The following DMGDH variants were observed in gnomAD, a reference collection of about 807,000 sequenced individuals.
DMGDH encodes the protein dimethylglycine dehydrogenase, also known as dimethylglycine dehydrogenase, mitochondrial.
In DMGDH, 76 loss-of-function variants were observed where a neutral mutation model predicts 95.2. The ratio of observed to expected loss-of-function variants is 0.80; its 90% CI spans 0.66 to 0.97. The LOEUF (loss-of-function observed/expected upper bound fraction) is 0.97. Among genes scored for constraint, DMGDH ranks in the 50% least tolerant of loss-of-function variants. DMGDH has a pLI of 0.00. For missense variants in DMGDH, 987 were observed against 1,055.0 expected, an observed-to-expected ratio of 0.94 and a Z score of 0.89; for synonymous variants, 345 against 377.6, an observed-to-expected ratio of 0.91 and a Z score of 1.00.
chr5:79,040,894 A>T (rs1253537172), intron 7 of DMGDH, among the ~76,000 whole-genome samples: 2 of 150,140 alleles, frequency 1.3e-5, no homozygotes, highest in Non-Finnish European at 3.0e-5. Context: ...TCTATAGGTG[A>T]CTATAAAACC....
At chr5:79,025,951 G>T (rs967264806) in intron 13 of DMGDH, among the ~76,000 whole-genome samples, 3 of 152,184 alleles carry the variant, frequency 2.0e-5, no homozygotes, top group Admixed American at 2.0e-4. Context: ...TATGTAAATG[G>T]TTAAAGCACT....
chr5:79,060,578 C>T (rs1214113616), intron 2 of DMGDH, among the ~76,000 whole-genome samples: 1 of 151,996 alleles, frequency 6.6e-6, no homozygotes, highest in Non-Finnish European at 1.5e-5. Flanking sequence ...GCTGGCTCTG[C>T]AACCTTCCTT....
At chr5:79,000,464 CAA>C in intron 15 of DMGDH, 1 of 615,988 alleles carries the variant, frequency 1.6e-6, no homozygotes, top group Admixed American at 1.8e-5. Flanking sequence ...ACTACTGGAT[CAA>C]AGTCTGCCTG....
intron 5 of DMGDH, among the ~76,000 whole-genome samples, chr5:79,048,854 G>A (rs1325226547): frequency 1.3e-5 from 2 of 151,358 alleles, no homozygotes; most frequent in South Asian, 2.1e-4. Flanking sequence ...AATTTTGCCC[G>A]ATGGAAGAGA....
chr5:79,063,758 G>A lies in DMGDH; in HGVS notation c.131C>T (p.Thr44Ile). The stretch of plus-strand genomic sequence containing the variant: ...TGTTTCTGCTCTGTCTTTCCATTGT[G>A]TTTCTGCAGATAAGGGTGGTTTTTC... ...GEEKPPLSAE[T>I]QWKDRAETVI... The change falls in exon 2 of 16, where the codon ACA (threonine) becomes ATA (isoleucine). Residue 44 changes from threonine (T) to isoleucine (I), a missense_variant. Transcript: ENST00000255189. 6.2e-7 allele frequency: 1 copy of A among 1,614,140 alleles called. No individual in the cohort carries two copies. The highest frequency in any genetic ancestry group is 8.5e-7 in the Non-Finnish European group (1 of 1,180,020).
At chr5:79,037,085 G>A (rs1754366707) in intron 7 of DMGDH, among the ~76,000 whole-genome samples, 1 of 152,104 alleles carries the variant, frequency 6.6e-6, no homozygotes, top group African/African-American at 2.4e-5. Context: ...TGCAACCCAG[G>A]AAGAGAGCCC....
intron 14 of DMGDH, among the ~76,000 whole-genome samples, chr5:79,009,968 T>C (rs1331857548): frequency 6.6e-6 from 1 of 152,206 alleles, no homozygotes; most frequent in Non-Finnish European, 1.5e-5. Flanking sequence ...CCAAATTAAC[T>C]ATATAAATAG....
intron 9 of DMGDH, 134 bp from the exon 10 acceptor site, chr5:79,031,132 A>T (rs1275206608): frequency 5.9e-6 from 5 of 849,396 alleles, no homozygotes; most frequent in Non-Finnish European, 9.4e-6. Context: ...GGGAGGCGAG[A>T]CCATGCAACC....
rs761401700 is a variant in DMGDH, at chr5:79,042,468, T to C, written c.1008A>G (p.Glu336=). The change falls in exon 7 of 16, where the codon GAA becomes GAG. Residue 336 remains glutamate (E), a synonymous_variant. Coordinates refer to ENST00000255189, the MANE Select transcript of DMGDH (RefSeq NM_013391.3). ...TTCGATCTAGATCAGACTCAAAGAGTTCCTTTCCAAAACCTAAAAAGATTT... is the reference window on the plus strand; with the variant it reads ...TTCGATCTAGATCAGACTCAAAGAGCTCCTTTCCAAAACCTAAAAAGATTT... ...TNGVPPGFGK[E]LFESDLDRIM... 1.2e-6 allele frequency: 2 copies of C among 1,614,132 alleles called. No individual in the cohort carries two copies. Among genetic ancestry groups the C allele is most frequent in the East Asian group, 2.2e-5 (1 of 44,884 alleles).
chr5:79,063,591 C>T lies in DMGDH; in HGVS notation c.276+22G>A, dbSNP rs368379551. On this transcript the variant is annotated intron_variant, in intron 2 of 15. Coordinates refer to ENST00000255189, the MANE Select transcript of DMGDH (RefSeq NM_013391.3). ...CTCATGCACAATTCCACGCTTATGA[C>T]AGTTTGGGGTGCTTTTCTTACTGCG... is the stretch of plus-strand genomic sequence containing the variant. The T allele has an allele frequency of 1.3e-4, 204 of 1,614,130 alleles. No individual in the cohort carries two copies. The African/African-American group carries it at 2.5e-3, about 20-fold the overall frequency.
chr5:79,032,917 A>C, intron 8 of DMGDH, 77 bp from the exon 9 acceptor site: 1 of 1,554,518 alleles, frequency 6.4e-7, no homozygotes, highest in Non-Finnish European at 8.8e-7. Context: ...CCAAATATGG[A>C]AATACAGTAC....
chr5:79,011,344 C>T (rs562359958), intron 14 of DMGDH, among the ~76,000 whole-genome samples: 2 of 152,312 alleles, frequency 1.3e-5, no homozygotes, highest in South Asian at 4.1e-4. Flanking sequence ...TGAGTTAGCA[C>T]CAAACCTTAA....
At chr5:79,069,247 C>G (rs1755472985) in intron 1 of DMGDH, among the ~76,000 whole-genome samples, 1 of 152,160 alleles carries the variant, frequency 6.6e-6, no homozygotes, top group Non-Finnish European at 1.5e-5. Context: ...CCTATACTGA[C>G]CTGTGTTTGC....
chr5:79,055,155 G>A (rs1406370383), intron 3 of DMGDH, among the ~76,000 whole-genome samples: 1 of 152,240 alleles, frequency 6.6e-6, no homozygotes, highest in Non-Finnish European at 1.5e-5. Context: ...ATATGTTATT[G>A]AGAGTAGCTG....
At chr5:79,026,273 A>G in intron 13 of DMGDH, 151 bp downstream of exon 13, 2 of 980,970 alleles carry the variant, frequency 2.0e-6, no homozygotes, top group South Asian at 1.6e-5. Context: ...AATTAAGGAG[A>G]AAAACCTCTT....
intron 12 of DMGDH, among the ~76,000 whole-genome samples, chr5:79,026,805 G>A (rs1193294603): frequency 6.6e-6 from 1 of 152,112 alleles, no homozygotes; most frequent in Non-Finnish European, 1.5e-5. Context: ...TGTAGATGGT[G>A]GTATGCAGGA....
At chr5:79,038,436 A>G (rs1754409022) in intron 7 of DMGDH, among the ~76,000 whole-genome samples, 1 of 152,146 alleles carries the variant, frequency 6.6e-6, no homozygotes, top group African/African-American at 2.4e-5. Context: ...GTCAGACAAG[A>G]TCGTGCCATT....
intron 2 of DMGDH, among the ~76,000 whole-genome samples, chr5:79,059,810 T>A (rs1398515963): frequency 6.6e-6 from 1 of 152,254 alleles, no homozygotes; most frequent in Non-Finnish European, 1.5e-5. Context: ...TAATCTGCTA[T>A]GTAGAAATCA....
At chr5:79,013,296 C>T (rs1359450306) in intron 14 of DMGDH, among the ~76,000 whole-genome samples, 2 of 152,156 alleles carry the variant, frequency 1.3e-5, no homozygotes, top group Non-Finnish European at 2.9e-5. Context: ...TTTGCTAATG[C>T]ATAACAAAAG....
Sources: allele counts gnomAD v4.1 joint callset (sites outside exome capture counted in the v4.1 genomes callset), GRCh38; gene constraint gnomAD v4.1.1; transcripts MANE v1.5; gene names NCBI Gene and HGNC (gene_info 2026-07-23, HGNC 2026-07-21).